PIGX: variants seen among roughly 807,000 people sequenced by gnomAD.
The protein encoded by PIGX is GPI alpha-1,4-mannosyltransferase I, stabilizing subunit.
Under a neutral mutation model 28.7 loss-of-function variants are expected in PIGX, and 24 were observed. That is an observed-to-expected ratio of 0.84 (90% CI 0.60 to 1.17). PIGX has a LOEUF of 1.17. Among genes scored for constraint, PIGX ranks in the 50% most tolerant of loss-of-function variants. PIGX has a pLI of 0.00. For missense variants in PIGX, 305 were observed against 317.8 expected, an observed-to-expected ratio of 0.96 and a Z score of 0.31; for synonymous variants, 127 against 121.0, an observed-to-expected ratio of 1.05 and a Z score of -0.33.
chr3:196,723,729 C>T (rs532333549), intron 3 of PIGX, among the ~76,000 whole-genome samples: 54 of 151,338 alleles, frequency 3.6e-4, no homozygotes, highest in Non-Finnish European at 6.3e-4. Context: ...TTATAATCTA[C>T]TTACGAATTT....
Position 196,729,562 on chromosome 3 carries a change from T to C in PIGX, c.532+1426T>C, listed in dbSNP as rs189377902. Among the ~76,000 whole-genome samples the C allele has an allele frequency of 2.5e-3, 384 of 151,054 alleles. 1 individual carries two copies. Among genetic ancestry groups the C allele is most frequent in the African/African-American group, 9.0e-3 (371 of 41,412 alleles). On this transcript the variant is annotated intron_variant, in intron 4 of 5. Coordinates refer to ENST00000392391, the MANE Select transcript of PIGX (RefSeq NM_017861.4). Reference sequence around the variant, plus strand: ...CGCCACCATGCCTGGCTAATTTTTGTATTTTTAGTAGAGACGGAGTTTCAC... The same window carrying C: ...CGCCACCATGCCTGGCTAATTTTTGCATTTTTAGTAGAGACGGAGTTTCAC...
intron 1 of PIGX, among the ~76,000 whole-genome samples, chr3:196,716,120 C>T (rs191359424): frequency 1.3e-5 from 2 of 152,254 alleles, no homozygotes; most frequent in East Asian, 1.9e-4. Flanking sequence ...TCAAGCAATC[C>T]TCCCACCTCA....
At chr3:196,722,337 C>A in intron 2 of PIGX, 78 bp from the exon 3 acceptor site, 4 of 1,028,768 alleles carry the variant, frequency 3.9e-6, no homozygotes, top group Non-Finnish European at 5.8e-6. Context: ...AGTGTTTTCA[C>A]TAATAGGAAT....
At chr3:196,722,626 A>G (rs964520153) in intron 3 of PIGX, 70 bp downstream of exon 3, 2 of 1,301,636 alleles carry the variant, frequency 1.5e-6, no homozygotes, top group Admixed American at 2.1e-5. Flanking sequence ...TTAAGGAAAA[A>G]TAGTAGGTTT....
chr3:196,716,982 A>G, intron 2 of PIGX, 61 bp downstream of exon 2: 2 of 1,005,690 alleles, frequency 2.0e-6, no homozygotes. Flanking sequence ...TGAGAGCAAA[A>G]AATTGATGGT....
At chr3:196,728,176 A>G in intron 4 of PIGX, 40 bp downstream of exon 4, 1 of 1,534,128 alleles carries the variant, frequency 6.5e-7, no homozygotes, top group Non-Finnish European at 9.0e-7. Context: ...GAAACATCAG[A>G]ATAAAGGTAT....
Position 196,712,907 on chromosome 3 carries a change from A to T in PIGX, c.112+263A>T, listed in dbSNP as rs570320405. 126 of 1,044,250 alleles carry T rather than the reference A, an allele frequency of 1.2e-4. No homozygotes were observed. The African/African-American group carries it at 2.0e-3, about 17-fold the overall frequency. The allele number at this position is 1,044,250 out of a possible 1,614,324, so 64.7% of individuals were successfully genotyped here. A position where few individuals can be genotyped will look rare whatever the true frequency, so the allele number is the denominator to read the frequency against. ...CCGCCCTGTTACTAAAGTTCTGAGA[A>T]GGAAAGTCAGCCGTCAAGCGTCTTG... On this transcript the variant is annotated intron_variant, in intron 1 of 5. Transcript: ENST00000392391.
intron 1 of PIGX, 46 bp downstream of exon 1, chr3:196,712,690 G>A (rs1711876046): frequency 8.6e-7 from 1 of 1,169,008 alleles, no homozygotes; most frequent in Non-Finnish European, 1.1e-6. Flanking sequence ...GAGCGGTCCC[G>A]GCTCCCGGGC....
At position 196,733,857 on chromosome 3, in the gene PIGX, A is replaced by G. The variant is rs773673066; in HGVS notation, c.732A>G (p.Thr244=). 9 of 1,606,194 alleles carry G rather than the reference A, an allele frequency of 5.6e-6. No homozygotes were observed. In the Admixed American group the frequency reaches 1.0e-4, roughly 18 times the overall value. The change falls in exon 6 of 6, where the codon ACA becomes ACG. Residue 244 remains threonine, a synonymous_variant. Transcript: ENST00000392391. This position sits in a 1 kb window ranked among gnomAD's most constrained non-coding sequence, Gnocchi z 4.3. ...TGCTCATTACAATCCTGTGCTCTAC[A>G]TTGATCCTTGTAGCAGTTTTCAAAT... is the stretch of plus-strand genomic sequence containing the variant.
intron 1 of PIGX, among the ~76,000 whole-genome samples, chr3:196,714,711 C>T (rs549529295): frequency 5.3e-5 from 8 of 152,228 alleles, no homozygotes; most frequent in Non-Finnish European, 7.4e-5. Context: ...CTGCCTGCCT[C>T]CCCCTCCCAA....
intron 4 of PIGX, among the ~76,000 whole-genome samples, chr3:196,730,199 C>T (rs1412673927): frequency 6.6e-6 from 1 of 152,004 alleles, no homozygotes; most frequent in East Asian, 1.9e-4. Context: ...TACCTTTGTT[C>T]ATCCAACCTT....
intron 4 of PIGX, 167 bp downstream of exon 4, chr3:196,728,303 A>G (rs1712608396): frequency 5.0e-6 from 3 of 605,282 alleles, no homozygotes; most frequent in Admixed American, 3.1e-5. Flanking sequence ...GTATTTGAGT[A>G]GATTTTTATG....
At chr3:196,722,013 A>G (rs1470629863) in intron 2 of PIGX, among the ~76,000 whole-genome samples, 1 of 152,142 alleles carries the variant, frequency 6.6e-6, no homozygotes, top group Non-Finnish European at 1.5e-5. Flanking sequence ...CAGCCTTCCA[A>G]AGTGCTAGGA....
chr3:196,732,101 C>T (rs568560176), intron 5 of PIGX, among the ~76,000 whole-genome samples: 4 of 150,580 alleles, frequency 2.7e-5, no homozygotes, highest in African/African-American at 9.8e-5. Context: ...GCTGGGATTA[C>T]AGGCGTGAGC....
chr3:196,729,100 G>A (rs1712639561), intron 4 of PIGX, among the ~76,000 whole-genome samples: 3 of 152,160 alleles, frequency 2.0e-5, no homozygotes, highest in South Asian at 4.2e-4. Context: ...TTGGGAGGCC[G>A]AGGCGGGTGG....
intron 4 of PIGX, among the ~76,000 whole-genome samples, chr3:196,730,055 G>A (rs1340712451): frequency 2.0e-5 from 3 of 147,754 alleles, no homozygotes; most frequent in African/African-American, 7.5e-5. Flanking sequence ...GGGAGACAGA[G>A]CAAGACTGTC....
At chr3:196,730,374 T>A (rs1712698901) in intron 4 of PIGX, among the ~76,000 whole-genome samples, 1 of 152,142 alleles carries the variant, frequency 6.6e-6, no homozygotes, top group South Asian at 2.1e-4. Flanking sequence ...ATATGTTCAC[T>A]TTTCTGAGTG....
At chr3:196,713,183 G>C in intron 1 of PIGX, 1 of 718,474 alleles carries the variant, frequency 1.4e-6, no homozygotes, top group South Asian at 6.4e-5. Context: ...GTAAAATGAG[G>C]ATGTTTCTGT....
chr3:196,721,995 A>G (rs1577673680), intron 2 of PIGX, among the ~76,000 whole-genome samples: 1 of 152,062 alleles, frequency 6.6e-6, no homozygotes, highest in Admixed American at 6.6e-5. Flanking sequence ...CAGGCAGTCC[A>G]CCTGCCTCAG....
Sources: allele counts gnomAD v4.1 joint callset (sites outside exome capture counted in the v4.1 genomes callset), GRCh38; gene constraint gnomAD v4.1.1; non-coding constraint Gnocchi (gnomAD v3.1); transcripts MANE v1.5; gene names NCBI Gene and HGNC (gene_info 2026-07-23, HGNC 2026-07-21).